Variants in CSMD1 observed in about 807,000 individuals in gnomAD.
The protein encoded by CSMD1 is CUB and sushi domain-containing protein 1.
A neutral mutation model predicts 417.5 loss-of-function variants in CSMD1; 213 were observed. The observed-to-expected ratio is 0.51, with a 90% CI of 0.46 to 0.57. CSMD1 has a LOEUF of 0.57. CSMD1 is among the 20% of genes least tolerant of loss of function. The probability of loss-of-function intolerance (pLI) is 0.00; values close to 1 mark genes in which losing one functional copy is unlikely to be tolerated. For missense variants in CSMD1, 6,923 were observed against 4,529.7 expected (o/e 1.53, Z -15.17); for synonymous variants, 2,862 against 1,736.8 (o/e 1.65, Z -16.11).
chr8:4,340,770 C>G (rs796365995), intron 3 of CSMD1, among the ~76,000 whole-genome samples: 3 of 152,202 alleles, frequency 2.0e-5, no homozygotes, highest in African/African-American at 7.2e-5. Context: ...AACTGTCAAG[C>G]AAACTCATAA....
intron 2 of CSMD1, among the ~76,000 whole-genome samples, chr8:4,519,922 TGTGTGTGTGTGTGC>T (rs1349714961): frequency 3.7e-5 from 3 of 81,132 alleles, no homozygotes; most frequent in African/African-American, 8.3e-5. Context: ...CATTATGTAG[TGTGTGTGTGTGTGC>T]GTGTGTGTGT....
At chr8:4,561,413 T>C (rs1250094135) in intron 2 of CSMD1, among the ~76,000 whole-genome samples, 2 of 152,174 alleles carry the variant, frequency 1.3e-5, no homozygotes, top group Non-Finnish European at 2.9e-5. Context: ...CCAGGCACAG[T>C]GGCTCATGCC....
chr8:3,354,917 G>GATA (rs1191776536), intron 21 of CSMD1, among the ~76,000 whole-genome samples: 1 of 142,070 alleles, frequency 7.0e-6, no homozygotes, highest in South Asian at 2.2e-4. Context: ...CTATAGATAT[G>GATA]TCTATCTATA....
intron 6 of CSMD1, among the ~76,000 whole-genome samples, chr8:3,751,475 G>C (rs946463269): frequency 1.4e-5 from 2 of 147,446 alleles, no homozygotes; most frequent in African/African-American, 4.9e-5. Flanking sequence ...ATATAATTAA[G>C]CATATATTAT....
chr8:4,958,518 C>A (rs1001211171), intron 1 of CSMD1, among the ~76,000 whole-genome samples: 4 of 152,068 alleles, frequency 2.6e-5, no homozygotes, highest in Non-Finnish European at 4.4e-5. Context: ...ATAGTTCAGC[C>A]AGAAATATTC....
intron 5 of CSMD1, among the ~76,000 whole-genome samples, chr8:3,804,092 A>AT (rs530252286): frequency 2.0e-4 from 30 of 151,472 alleles, no homozygotes; most frequent in African/African-American, 3.1e-4. Flanking sequence ...ACATCCAGCT[A>AT]TTTTTTTTGT....
At chr8:3,465,913 C>A (rs73660037) in intron 12 of CSMD1, among the ~76,000 whole-genome samples, 1 of 152,150 alleles carries the variant, frequency 6.6e-6, no homozygotes, top group Admixed American at 6.5e-5. Flanking sequence ...GAGAAAATGT[C>A]GAGAGCTGTT....
At chr8:4,194,652 T>A (rs1057161533) in intron 3 of CSMD1, among the ~76,000 whole-genome samples, 1 of 152,040 alleles carries the variant, frequency 6.6e-6, no homozygotes, top group African/African-American at 2.4e-5. Flanking sequence ...GCAAGGAAAA[T>A]AAAAACATTT....
At chr8:4,056,010 T>A (rs186975157) in intron 3 of CSMD1, among the ~76,000 whole-genome samples, 2 of 151,862 alleles carry the variant, frequency 1.3e-5, no homozygotes, top group Non-Finnish European at 2.9e-5. Flanking sequence ...AAAATTGTAG[T>A]CTACACAGAT....
At chr8:3,967,379 T>C (rs540745053) in intron 5 of CSMD1, among the ~76,000 whole-genome samples, 3 of 152,262 alleles carry the variant, frequency 2.0e-5, no homozygotes, top group African/African-American at 7.2e-5. Context: ...TGCAGGCTCA[T>C]TATTCTCTAG....
Position 4,807,829 on chromosome 8 carries a change from T to C in CSMD1, c.86-170271A>G, listed in dbSNP as rs188814313. ...TAGAAGCCAGCCATAATATTAATAA[T>C]AATAGCAAGCTATGTTATTGTTAAT... On this transcript the variant is annotated intron_variant, in intron 1 of 69. Transcript: ENST00000635120. Among the ~76,000 whole-genome samples the C allele has an allele frequency of 3.9e-5, 6 of 152,258 alleles. No individual in the cohort carries two copies. In the East Asian group the frequency reaches 9.6e-4, roughly 24 times the overall value.
At chr8:4,584,427 C>A (rs1385738641) in intron 2 of CSMD1, among the ~76,000 whole-genome samples, 1 of 152,096 alleles carries the variant, frequency 6.6e-6, no homozygotes, top group East Asian at 1.9e-4. Context: ...AAATACCGGG[C>A]ACCTGTCGGC....
At chr8:3,459,863 A>G (rs543792234) in intron 12 of CSMD1, among the ~76,000 whole-genome samples, 15 of 151,702 alleles carry the variant, frequency 9.9e-5, no homozygotes, top group Non-Finnish European at 1.8e-4. Context: ...TAAAAACTCA[A>G]CTAAGACTTA....
chr8:4,665,430 C>A (rs1804859257), intron 1 of CSMD1, among the ~76,000 whole-genome samples: 2 of 152,174 alleles, frequency 1.3e-5, no homozygotes, highest in South Asian at 2.1e-4. Flanking sequence ...ATGAGTAACC[C>A]ATAACCATGA....
At chr8:4,136,433 C>T (rs183271436) in intron 3 of CSMD1, among the ~76,000 whole-genome samples, 1 of 152,288 alleles carries the variant, frequency 6.6e-6, no homozygotes, top group Admixed American at 6.5e-5. Flanking sequence ...TGGTTCTCAG[C>T]AAGCATCCCT....
chr8:3,470,469 C>T (rs895938197), intron 11 of CSMD1, among the ~76,000 whole-genome samples: 2 of 152,162 alleles, frequency 1.3e-5, no homozygotes, highest in Admixed American at 1.3e-4. Context: ...CTATAACAAT[C>T]AGGACATTGA....
rs553780615 is a variant in CSMD1 at position 3,305,927 on chromosome 8, G to A, written c.3950+1768C>T. ...GATCTCCTCACCTGGTGATTTGCCT[G>A]CCTTGGCCTCCCAAGGTGCTGGGAT... On this transcript the variant is annotated intron_variant, in intron 25 of 69. Coordinates refer to ENST00000635120, the MANE Select transcript of CSMD1 (RefSeq NM_033225.6). Among the ~76,000 whole-genome samples, 67 of 152,240 alleles carry A rather than the reference G, an allele frequency of 4.4e-4. No individual in the cohort carries two copies. The Middle Eastern group carries it at 0.02, about 46-fold the overall frequency.
intron 2 of CSMD1, among the ~76,000 whole-genome samples, chr8:4,449,707 T>C (rs911126184): frequency 1.3e-5 from 2 of 152,018 alleles, no homozygotes; most frequent in Admixed American, 6.6e-5. Context: ...AGAGGGAGTA[T>C]GGGGAAGAAA....
intron 31 of CSMD1, among the ~76,000 whole-genome samples, chr8:3,202,298 A>C (rs1319530567): frequency 6.6e-6 from 1 of 152,268 alleles, no homozygotes; most frequent in Non-Finnish European, 1.5e-5. Flanking sequence ...TCCTCACAAA[A>C]GATTATTATA....
Sources: allele counts gnomAD v4.1 joint callset (sites outside exome capture counted in the v4.1 genomes callset), GRCh38; gene constraint gnomAD v4.1.1; transcripts MANE v1.5; gene names NCBI Gene and HGNC (gene_info 2026-07-23, HGNC 2026-07-21).